The following BCL11B variants were observed in gnomAD, a reference collection of about 807,000 sequenced individuals.
BCL11B encodes the protein BCL11 transcription factor B, also known as B-cell lymphoma/leukemia 11B.
A neutral mutation model predicts 49.9 loss-of-function variants in BCL11B; 8 were observed. The observed-to-expected ratio is 0.16, with a 90% CI of 0.09 to 0.29. The LOEUF (loss-of-function observed/expected upper bound fraction) is 0.29, where lower values mean the gene tolerates loss of function less well. Ranked by LOEUF, BCL11B falls within the 10% of genes least tolerant of loss-of-function variation. BCL11B has a pLI of 1.00. For synonymous variants in BCL11B, 739 were observed against 637.4 expected (o/e 1.16, Z -2.40); for missense variants, 1,006 against 1,351.0 (o/e 0.74, Z 4.00).
intron 3 of BCL11B, among the ~76,000 whole-genome samples, chr14:99,191,402 T>TAAAA (rs11302505): frequency 6.9e-6 from 1 of 144,288 alleles, no homozygotes; most frequent in African/African-American, 2.6e-5. Flanking sequence ...CACCTAAATC[T>TAAAA]AAAAAAAAAA....
In BCL11B at chr14:99,262,669, G is replaced by A. The variant is rs530118834; in HGVS notation, c.59-4830C>T. Among the ~76,000 whole-genome samples, 2 of 152,242 alleles carry A rather than the reference G, an allele frequency of 1.3e-5. No individual in the cohort carries two copies. The highest frequency in any genetic ancestry group is 1.9e-4 in the East Asian group (1 of 5,164). ...CTACGAAGAGGGAGCTCTTGCCAGC[G>A]AGCCCATGCTTACCCATAATCTACG... On this transcript the variant is annotated intron_variant, in intron 1 of 3. Transcript: ENST00000357195. The surrounding 1 kb of genome is among the most constrained non-coding windows in gnomAD (Gnocchi z 4.2).
intron 2 of BCL11B, among the ~76,000 whole-genome samples, chr14:99,238,317 T>A (rs1260646252): frequency 6.6e-6 from 1 of 152,148 alleles, no homozygotes; most frequent in Non-Finnish European, 1.5e-5. Flanking sequence ...CCCCAGCAGC[T>A]GCCTCTTGCA....
In BCL11B at chr14:99,231,678, C is replaced by T; in HGVS notation, c.428-121G>A. On this transcript the variant is annotated intron_variant, in intron 2 of 3. Transcript: ENST00000357195. This position sits in a 1 kb window ranked among gnomAD's most constrained non-coding sequence, Gnocchi z 8.1. ...AGGCCACCCTTCGGGGGTGGGAGGC[C>T]CCCGGGGTGCCAGGCCCTGCAGGGA... 9.6e-7 allele frequency: 1 copy of T among 1,040,256 alleles called. No individual in the cohort carries two copies. Among genetic ancestry groups the T allele is most frequent in the Non-Finnish European group, 1.4e-6 (1 of 716,110 alleles). The allele number at this position is 1,040,256 out of a possible 1,614,324, so 64.4% of individuals were successfully genotyped here. A position where few individuals can be genotyped will look rare whatever the true frequency, so the allele number is the denominator to read the frequency against.
chr14:99,218,316 G>A (rs949575916), intron 3 of BCL11B, among the ~76,000 whole-genome samples: 5 of 147,576 alleles, frequency 3.4e-5, no homozygotes, highest in Non-Finnish European at 7.4e-5. Context: ...CCCTGACCTC[G>A]TGATCCGCCC....
chr14:99,265,076 G>C (rs551079079), intron 1 of BCL11B, among the ~76,000 whole-genome samples: 2 of 152,308 alleles, frequency 1.3e-5, no homozygotes, highest in Non-Finnish European at 2.9e-5. Flanking sequence ...GTGCCGCACA[G>C]GACCTCAGGC....
At chr14:99,201,962 G>A (rs767429645) in intron 3 of BCL11B, among the ~76,000 whole-genome samples, 7 of 152,200 alleles carry the variant, frequency 4.6e-5, no homozygotes, top group Admixed American at 2.6e-4. Context: ...GGAAGGAGTC[G>A]GGGCATCAGC....
Position 99,175,019 on chromosome 14 carries a change from G to A in BCL11B, c.1817C>T (p.Ala606Val), listed in dbSNP as rs1212786797. Residue 606 changes from alanine (A) to valine (V), a missense_variant, in exon 4 of 4, where the codon GCA becomes GTA. Transcript: ENST00000357195. Reference protein sequence around the residue: ...GKVMENVGLGALPQYGELLAD... With the variant: ...GKVMENVGLGVLPQYGELLAD... ...CAGGAGCTCGCCGTACTGCGGCAGT[G>A]CGCCTAGGCCCACGTTCTCCATGAC... 1.9e-6 allele frequency: 3 copies of A among 1,593,670 alleles called. No individual in the cohort carries two copies. The highest frequency in any genetic ancestry group is 2.6e-6 in the Non-Finnish European group (3 of 1,175,748).
At chr14:99,183,735 C>T (rs1381344762) in intron 3 of BCL11B, among the ~76,000 whole-genome samples, 3 of 152,108 alleles carry the variant, frequency 2.0e-5, no homozygotes, top group African/African-American at 2.4e-5. Context: ...ACTTTCTCTG[C>T]GTTTTCTCAT....
intron 1 of BCL11B, among the ~76,000 whole-genome samples, chr14:99,259,120 G>A (rs1242063835): frequency 6.6e-6 from 1 of 152,186 alleles, no homozygotes; most frequent in Non-Finnish European, 1.5e-5. Flanking sequence ...TCGTAGAGAA[G>A]ACACGAGTGG....
intron 3 of BCL11B, among the ~76,000 whole-genome samples, chr14:99,230,995 G>T (rs538607019): frequency 6.6e-6 from 1 of 152,194 alleles, no homozygotes; most frequent in Non-Finnish European, 1.5e-5. Context: ...TGTCTGGGGT[G>T]GGGGAGGGGG....
chr14:99,198,113 T>C (rs972937985), intron 3 of BCL11B, among the ~76,000 whole-genome samples: 8 of 152,258 alleles, frequency 5.3e-5, no homozygotes, highest in Non-Finnish European at 7.3e-5. Flanking sequence ...AGGCTGCCGA[T>C]GCAGGGTGCC....
In BCL11B at chr14:99,231,281, G is replaced by A. The variant is rs1285142142; in HGVS notation, c.640+64C>T. 3.2e-6 allele frequency: 5 copies of A among 1,541,442 alleles called. No homozygotes were observed. In the Admixed American group the frequency reaches 9.6e-5, roughly 30 times the overall value. On this transcript the variant is annotated intron_variant, in intron 3 of 3. Transcript: ENST00000357195. The surrounding 1 kb of genome is among the most constrained non-coding windows in gnomAD (Gnocchi z 8.1). Reference sequence around the variant, plus strand: ...CTCCCTGGGTCCCCACCTTGCTCCAGCGCTGCCCATGGCACACCCCGCCAT... The same window carrying A: ...CTCCCTGGGTCCCCACCTTGCTCCAACGCTGCCCATGGCACACCCCGCCAT...
At chr14:99,208,880 G>C (rs1418633236) in intron 3 of BCL11B, among the ~76,000 whole-genome samples, 1 of 152,208 alleles carries the variant, frequency 6.6e-6, no homozygotes, top group East Asian at 1.9e-4. Context: ...CCTGCCCTCA[G>C]CTCCAACAGC....
chr14:99,257,598 G>A lies in BCL11B; in HGVS notation c.300C>T (p.Pro100=). ...DKALDKDSPP[P]SSRSELRKVS... is the part of the protein sequence containing the mutation. The stretch of plus-strand genomic sequence containing the variant: ...CTTTCCTGAGCTCGGAGCGTGAGGA[G>A]GGTGGCGGGCTGTCCTTGTCCAGGG... Residue 100 remains proline, a synonymous_variant, in exon 2 of 4, where the codon CCC becomes CCT. Coordinates refer to ENST00000357195, the MANE Select transcript of BCL11B (RefSeq NM_138576.4). The surrounding 1 kb of genome is among the most constrained non-coding windows in gnomAD (Gnocchi z 6.2). The A allele has an allele frequency of 1.9e-6, 3 of 1,614,058 alleles. No individual in the cohort carries two copies. The highest frequency in any genetic ancestry group is 2.5e-6 in the Non-Finnish European group (3 of 1,179,970).
intron 1 of BCL11B, among the ~76,000 whole-genome samples, chr14:99,263,374 G>A (rs908822626): frequency 2.6e-5 from 4 of 152,180 alleles, no homozygotes; most frequent in Non-Finnish European, 5.9e-5. Flanking sequence ...GAAGGCGGCC[G>A]GTGCAAAACA....
At chr14:99,270,079 CCGCT>C (rs1484445331) in intron 1 of BCL11B, among the ~76,000 whole-genome samples, 1 of 151,864 alleles carries the variant, frequency 6.6e-6, no homozygotes, top group African/African-American at 2.4e-5. Flanking sequence ...CGTACCTGGC[CCGCT>C]CGCGCTCGCT....
intron 1 of BCL11B, among the ~76,000 whole-genome samples, chr14:99,266,479 G>A (rs892710234): frequency 6.6e-6 from 1 of 152,172 alleles, no homozygotes; most frequent in Non-Finnish European, 1.5e-5. Flanking sequence ...AAAAAAGAAA[G>A]AAAGAAAATC....
intron 3 of BCL11B, among the ~76,000 whole-genome samples, chr14:99,200,807 C>G (rs767803693): frequency 6.6e-6 from 1 of 152,204 alleles, no homozygotes; most frequent in Non-Finnish European, 1.5e-5. Flanking sequence ...GACTGCCCTG[C>G]GTGTGGCTCA....
At chr14:99,271,026 G>T in intron 1 of BCL11B, 135 bp downstream of exon 1, 1 of 916,926 alleles carries the variant, frequency 1.1e-6, no homozygotes. Context: ...GCTCCAGGCC[G>T]ACGCCGTAGA....
Sources: allele counts gnomAD v4.1 joint callset (sites outside exome capture counted in the v4.1 genomes callset), GRCh38; gene constraint gnomAD v4.1.1; non-coding constraint Gnocchi (gnomAD v3.1); transcripts MANE v1.5; gene names NCBI Gene and HGNC (gene_info 2026-07-23, HGNC 2026-07-21).